SNAPC3: variants seen among roughly 807,000 people sequenced by gnomAD.
SNAPC3 encodes the protein small nuclear RNA activating complex polypeptide 3.
A neutral mutation model predicts 47.7 loss-of-function variants in SNAPC3; 56 were observed. The observed-to-expected ratio is 1.18, with a 90% CI of 0.95 to 1.47. The LOEUF (loss-of-function observed/expected upper bound fraction) is 1.47, where lower values mean the gene tolerates loss of function less well. Among genes scored for constraint, SNAPC3 ranks in the 40% most tolerant of loss-of-function variants. SNAPC3 has a pLI of 0.00. For missense variants in SNAPC3, 665 were observed against 511.3 expected, an observed-to-expected ratio of 1.30 and a Z score of -2.90; for synonymous variants, 235 against 189.9, an observed-to-expected ratio of 1.24 and a Z score of -1.95.
intron 5 of SNAPC3, among the ~76,000 whole-genome samples, chr9:15,450,781 C>T (rs541142038): frequency 6.6e-6 from 1 of 152,282 alleles, no homozygotes; most frequent in South Asian, 2.1e-4. Context: ...TTGAGAGCCA[C>T]TCCTTTGACG....
At chr9:15,447,485 G>A (rs1022273734) in intron 5 of SNAPC3, among the ~76,000 whole-genome samples, 1 of 150,936 alleles carries the variant, frequency 6.6e-6, no homozygotes, top group Admixed American at 6.7e-5. Context: ...TTTTCCTTCT[G>A]GGCTAATAGT....
At chr9:15,425,220 T>C (rs533310567) in intron 2 of SNAPC3, among the ~76,000 whole-genome samples, 53 of 152,316 alleles carry the variant, frequency 3.5e-4, no homozygotes, top group African/African-American at 1.2e-3. Flanking sequence ...TGTTATGTTA[T>C]GTTACGTTAT....
At chr9:15,463,215 CTTTTTTTTTTTTTTTTTT>C (rs142971475), downstream of SNAPC3, 1 of 52,164 alleles carries the variant, frequency 1.9e-5, no homozygotes, top group African/African-American at 7.8e-5. Context: ...TGGTATGACT[CTTTTTTTTTTTTTTTTTT>C]TTTTTTTTTG....
chr9:15,426,057 A>G (rs2031346887), intron 2 of SNAPC3, among the ~76,000 whole-genome samples: 1 of 152,132 alleles, frequency 6.6e-6, no homozygotes, highest in South Asian at 2.1e-4. Flanking sequence ...GAGTTTCTCC[A>G]TGTTGGTCAG....
intron 3 of SNAPC3, among the ~76,000 whole-genome samples, chr9:15,435,368 T>C (rs1392751121): frequency 6.6e-6 from 1 of 152,038 alleles, no homozygotes; most frequent in Non-Finnish European, 1.5e-5. Flanking sequence ...AGGTCAGGAG[T>C]TCCAGACCAG....
chr9:15,435,311 G>A (rs1306746646), intron 3 of SNAPC3, among the ~76,000 whole-genome samples: 1 of 152,144 alleles, frequency 6.6e-6, no homozygotes, highest in Non-Finnish European at 1.5e-5. Flanking sequence ...CATGGCTAAC[G>A]CTTGTAATCC....
chr9:15,426,329 A>G (rs1315290158), intron 2 of SNAPC3, among the ~76,000 whole-genome samples: 3 of 152,000 alleles, frequency 2.0e-5, no homozygotes, highest in Non-Finnish European at 2.9e-5. Context: ...CTAAAGGACT[A>G]CGGACTCCAT....
chr9:15,444,520 C>A, intron 3 of SNAPC3, 82 bp from the exon 4 acceptor site: 1 of 829,508 alleles, frequency 1.2e-6, no homozygotes, highest in Non-Finnish European at 2.0e-6. Context: ...TTGACTCGAT[C>A]CCTTGCTGAT....
At chr9:15,455,296 G>A (rs2034692191) in intron 7 of SNAPC3, among the ~76,000 whole-genome samples, 1 of 152,190 alleles carries the variant, frequency 6.6e-6, no homozygotes, top group Non-Finnish European at 1.5e-5. Flanking sequence ...GCCTGGCATG[G>A]TGGCTCATGC....
intron 5 of SNAPC3, among the ~76,000 whole-genome samples, chr9:15,449,563 A>ATTTTTT (rs568645696): frequency 1.3e-4 from 5 of 39,510 alleles, no homozygotes; most frequent in East Asian, 9.1e-4. Flanking sequence ...ATATATATAT[A>ATTTTTT]TTTTTTTTTT....
At chr9:15,441,881 C>T (rs1317722583) in intron 3 of SNAPC3, among the ~76,000 whole-genome samples, 1 of 152,246 alleles carries the variant, frequency 6.6e-6, no homozygotes, top group East Asian at 1.9e-4. Context: ...CCATCGTCAT[C>T]ATGGCCCGTT....
downstream of SNAPC3, chr9:15,465,025 G>A: frequency 4.5e-6 from 1 of 221,204 alleles, no homozygotes; most frequent in Non-Finnish European, 9.0e-6. Flanking sequence ...GATAAAAAGG[G>A]AGTGAGTACT....
rs76658709 is a variant in SNAPC3 at position 15,448,804 on chromosome 9, G to A, written c.732+1560G>A. Among the ~76,000 whole-genome samples the A allele has an allele frequency of 4.0e-4, 61 of 152,176 alleles. 1 individual carries two copies. The East Asian group carries it at 0.011, about 28-fold the overall frequency. Reference sequence around the variant, plus strand: ...AAATTTTACGCGGAGCAGGAAATACGAGATTTATCTTTTTCTTTCTTTTTT... The same window carrying A: ...AAATTTTACGCGGAGCAGGAAATACAAGATTTATCTTTTTCTTTCTTTTTT... On this transcript the variant is annotated intron_variant, in intron 5 of 8. Coordinates refer to ENST00000380821, the MANE Select transcript of SNAPC3 (RefSeq NM_001039697.2).
chr9:15,438,084 A>G (rs965412560), intron 3 of SNAPC3, among the ~76,000 whole-genome samples: 16 of 152,292 alleles, frequency 1.1e-4, no homozygotes, highest in Admixed American at 3.3e-4. Context: ...GTTTGGTAGA[A>G]TTTACCAGTG....
intron 2 of SNAPC3, chr9:15,432,019 T>C (rs1288911341): frequency 1.3e-5 from 2 of 151,354 alleles, no homozygotes; most frequent in African/African-American, 4.9e-5. Flanking sequence ...CTTGATATAA[T>C]GTAAAGGTGA....
intron 7 of SNAPC3, among the ~76,000 whole-genome samples, chr9:15,456,997 T>G (rs1173001926): frequency 6.6e-6 from 1 of 152,246 alleles, no homozygotes; most frequent in Admixed American, 6.5e-5. Context: ...GTGTAGTCCT[T>G]TCATCTTTCA....
At chr9:15,463,481 C>T (rs997670202), downstream of SNAPC3, 3 of 71,590 alleles carry the variant, frequency 4.2e-5, no homozygotes, top group East Asian at 4.2e-4. Flanking sequence ...ACATATTACA[C>T]GTACTTTTTG....
chr9:15,430,740 G>C (rs1225632102), intron 2 of SNAPC3, among the ~76,000 whole-genome samples: 1 of 152,178 alleles, frequency 6.6e-6, no homozygotes, highest in Non-Finnish European at 1.5e-5. Context: ...TAGGAGAGGA[G>C]AGTGTTGAAT....
chr9:15,424,164 T>G (rs1276559153), intron 2 of SNAPC3, among the ~76,000 whole-genome samples, 178 bp downstream of exon 2: 3 of 152,236 alleles, frequency 2.0e-5, no homozygotes. Context: ...GCTGTGTGTT[T>G]TTTCATTTTG....
Sources: allele counts gnomAD v4.1 joint callset (sites outside exome capture counted in the v4.1 genomes callset), GRCh38; gene constraint gnomAD v4.1.1; transcripts MANE v1.5; gene names NCBI Gene and HGNC (gene_info 2026-07-23, HGNC 2026-07-21).